Variants in ANK2 observed in about 807,000 individuals in gnomAD.
The protein encoded by ANK2 is ankyrin 2.
A neutral mutation model predicts 360.5 loss-of-function variants in ANK2; 83 were observed. That is an observed-to-expected ratio of 0.23 (90% CI 0.19 to 0.28). The LOEUF is 0.28. Among genes scored for constraint, ANK2 ranks in the 10% least tolerant of loss-of-function variants. ANK2 has a pLI of 1.00. For synonymous variants in ANK2, 1,740 were observed against 1,759.5 expected (o/e 0.99, Z 0.28); for missense variants, 4,201 against 4,795.7 (o/e 0.88, Z 3.66).
At chr4:112,818,842 T>C (rs991441226) in intron 1 of ANK2, among the ~76,000 whole-genome samples, 1 of 152,220 alleles carries the variant, frequency 6.6e-6, no homozygotes, top group African/African-American at 2.4e-5. Context: ...TAGTGTCAGC[T>C]GGCAGAACAG....
intron 4 of ANK2, among the ~76,000 whole-genome samples, chr4:113,228,296 A>G (rs111694126): frequency 0.012 from 1,868 of 152,204 alleles, 33 homozygotes; most frequent in African/African-American, 0.043. Flanking sequence ...CCCGGGCAGT[A>G]TACACTGTGC....
intron 14 of ANK2, among the ~76,000 whole-genome samples, chr4:113,267,691 C>T (rs1223137278): frequency 1.3e-5 from 2 of 152,264 alleles, no homozygotes; most frequent in South Asian, 2.1e-4. Context: ...TGTGATGCCT[C>T]CAGCTTTATT....
chr4:113,176,458 T>G (rs943926244), intron 2 of ANK2, among the ~76,000 whole-genome samples: 3 of 152,104 alleles, frequency 2.0e-5, no homozygotes, highest in African/African-American at 7.2e-5. Context: ...TATGAATCAT[T>G]TTATCTGATT....
chr4:113,124,863 C>T (rs1442921159), intron 1 of ANK2, among the ~76,000 whole-genome samples: 1 of 151,960 alleles, frequency 6.6e-6, no homozygotes, highest in East Asian at 1.9e-4. Context: ...GGTGTGGTGG[C>T]TCATGTCTGT....
chr4:113,348,895 C>T (rs1461660425), intron 36 of ANK2, among the ~76,000 whole-genome samples: 1 of 152,086 alleles, frequency 6.6e-6, no homozygotes, highest in African/African-American at 2.4e-5. Context: ...TCAGGCTCCT[C>T]AGTAATTTTT....
At chr4:113,120,936 C>T (rs992934734) in intron 1 of ANK2, among the ~76,000 whole-genome samples, 1 of 152,174 alleles carries the variant, frequency 6.6e-6, no homozygotes, top group African/African-American at 2.4e-5. Flanking sequence ...CACCATTTCT[C>T]AGCACAGACA....
intron 41 of ANK2, among the ~76,000 whole-genome samples, chr4:113,366,664 C>T (rs919653667): frequency 6.6e-6 from 1 of 152,008 alleles, no homozygotes; most frequent in African/African-American, 2.4e-5. Context: ...CAACATATAC[C>T]TTTTTCTCTC....
At chr4:112,860,587 G>A (rs2067694943) in intron 1 of ANK2, among the ~76,000 whole-genome samples, 1 of 152,068 alleles carries the variant, frequency 6.6e-6, no homozygotes, top group Admixed American at 6.5e-5. Flanking sequence ...GAAAAATGAA[G>A]CAGTTGGAAA....
At chr4:113,030,318 GT>G (rs2060130904) in intron 2 of ANK2, among the ~76,000 whole-genome samples, 1 of 152,062 alleles carries the variant, frequency 6.6e-6, no homozygotes, top group Non-Finnish European at 1.5e-5. Flanking sequence ...TGAATGAACT[GT>G]TTAACAAGGA....
intron 2 of ANK2, among the ~76,000 whole-genome samples, chr4:113,030,054 T>G (rs370563902): frequency 6.6e-6 from 1 of 152,008 alleles, no homozygotes; most frequent in Non-Finnish European, 1.5e-5. Flanking sequence ...AAATGCAAAT[T>G]AAAAATCTTG....
At chr4:113,229,933 T>A (rs2099271830) in intron 4 of ANK2, among the ~76,000 whole-genome samples, 2 of 152,204 alleles carry the variant, frequency 1.3e-5, no homozygotes, top group South Asian at 4.1e-4. Context: ...TCTTTTTCTC[T>A]TATTTTCATC....
At chr4:112,800,599 A>AT in the ANK2 span, among the ~76,000 whole-genome samples, 1 of 152,120 alleles carries the variant, frequency 6.6e-6, no homozygotes, top group African/African-American at 2.4e-5. Context: ...TAGTCACTCA[A>AT]TTTTTTGTGC....
chr4:113,200,448 T>C (rs906676837), intron 4 of ANK2, among the ~76,000 whole-genome samples: 11 of 152,202 alleles, frequency 7.2e-5, no homozygotes, highest in Non-Finnish European at 2.9e-5. Context: ...TTGTACCCAA[T>C]AGGTAATTTT....
rs546185834 is a variant in ANK2 at position 112,956,343 on chromosome 4, A to AT, written c.21+51838dup. Among the ~76,000 whole-genome samples, 626 of 151,784 alleles carry AT rather than the reference A, an allele frequency of 4.1e-3. 5 individuals are homozygous for AT. Among genetic ancestry groups the AT allele is most frequent in the African/African-American group, 0.014 (565 of 41,386 alleles). On this transcript the variant is annotated intron_variant, in intron 2 of 30. Transcript: ENST00000503271. ...TAGATCTTAGCAATCTCAGCATATG[A>AT]TTTTTTTTTCCTTCTTTAAGTTGAG...
chr4:112,748,429 T>G, the ANK2 span, among the ~76,000 whole-genome samples: 9 of 152,208 alleles, frequency 5.9e-5, no homozygotes, highest in African/African-American at 2.2e-4. Context: ...AACATATTTC[T>G]TTTAGGAATG....
At chr4:113,182,065 C>T (rs1326764445) in intron 2 of ANK2, among the ~76,000 whole-genome samples, 1 of 152,084 alleles carries the variant, frequency 6.6e-6, no homozygotes, top group Non-Finnish European at 1.5e-5. Context: ...TACAGTAGAG[C>T]AACAGGCAGG....
Position 113,354,467 on chromosome 4 carries a change from C to T in ANK2, c.5849C>T (p.Pro1950Leu), listed in dbSNP as rs1241451043. The stretch of plus-strand genomic sequence containing the variant: ...TCCGGAAGAACGGACAAGCACCAAC[C>T]TGTATCAACAGCTGGGAAAACTGAG... ...SPSGRTDKHQ[P>L]VSTAGKTEKH... is the part of the protein sequence containing the mutation. Residue 1950 changes from proline (P) to leucine (L), a missense_variant, in exon 38 of 46, where the codon CCT becomes CTT. Transcript: ENST00000357077. 6.2e-7 allele frequency: 1 copy of T among 1,614,122 alleles called. No individual in the cohort carries two copies. The highest frequency in any genetic ancestry group is 2.2e-5 in the East Asian group (1 of 44,866).
At chr4:112,899,753 T>C (rs1174010287) in intron 1 of ANK2, among the ~76,000 whole-genome samples, 1 of 152,168 alleles carries the variant, frequency 6.6e-6, no homozygotes, top group Non-Finnish European at 1.5e-5. Flanking sequence ...AAATCCTTTG[T>C]CCATATCTGC....
intron 2 of ANK2, among the ~76,000 whole-genome samples, chr4:113,177,586 A>G (rs1432873051): frequency 1.3e-5 from 2 of 152,232 alleles, no homozygotes; most frequent in Admixed American, 1.3e-4. Context: ...TAACAAATAC[A>G]TTAATTGTAT....
Sources: gnomAD v4.1 joint callset for allele counts (sites outside exome capture counted in the v4.1 genomes callset) on GRCh38, gnomAD v4.1.1 for gene constraint, MANE v1.5 for transcripts, NCBI Gene and HGNC (gene_info 2026-07-23, HGNC 2026-07-21) for gene names.